ARID1B: variants seen among roughly 807,000 people sequenced by gnomAD.
The protein encoded by ARID1B is AT-rich interactive domain-containing protein 1B.
ARID1B carries 30 observed loss-of-function variants against 212.3 expected under a neutral mutation model. The ratio of observed to expected loss-of-function variants is 0.14; its 90% CI spans 0.11 to 0.19. ARID1B has a LOEUF of 0.19. Among genes scored for constraint, ARID1B ranks in the 10% least tolerant of loss-of-function variants. ARID1B has a pLI of 1.00. For synonymous variants in ARID1B, 1,402 were observed against 1,301.7 expected (o/e 1.08, Z -1.66); for missense variants, 2,891 against 3,204.0 (o/e 0.90, Z 2.36).
intron 4 of ARID1B, among the ~76,000 whole-genome samples, chr6:156,974,516 G>A (rs1388032705): frequency 1.3e-5 from 2 of 152,158 alleles, no homozygotes; most frequent in African/African-American, 2.4e-5. Flanking sequence ...ATTGTTCCTT[G>A]AAAACATAAC....
intron 3 of ARID1B, among the ~76,000 whole-genome samples, chr6:156,928,460 A>G (rs1324560951): frequency 6.6e-6 from 1 of 152,120 alleles, no homozygotes; most frequent in Non-Finnish European, 1.5e-5. Context: ...AGGGAGAAGG[A>G]ACAGGTCTGT....
chr6:156,923,704 CTTT>C (rs775655637), intron 3 of ARID1B, among the ~76,000 whole-genome samples: 11 of 140,110 alleles, frequency 7.9e-5, no homozygotes, highest in Middle Eastern at 3.6e-3. Flanking sequence ...AGTTGATTCT[CTTT>C]TTTTTTTTTT....
rs571076403 is a variant in ARID1B, at chr6:157,039,532, T to C, written c.2248-45130T>C. On this transcript the variant is annotated intron_variant, in intron 4 of 19. Transcript: ENST00000636930. ...TTTTTAGTAGAGACGGGGTTTCACC[T>C]TGTTACCCAGGATGGGACATTTCTT... Among the ~76,000 whole-genome samples, 12 of 152,032 alleles carry C rather than the reference T, an allele frequency of 7.9e-5. No homozygotes were observed. The South Asian group carries it at 2.3e-3, about 29-fold the overall frequency.
intron 4 of ARID1B, among the ~76,000 whole-genome samples, chr6:156,949,426 T>A (rs528073404): frequency 6.6e-6 from 1 of 152,332 alleles, no homozygotes; most frequent in South Asian, 2.1e-4. Context: ...CCTGCCACAT[T>A]CACAAGTGTC....
At chr6:157,125,840 T>C (rs1043688646) in intron 6 of ARID1B, among the ~76,000 whole-genome samples, 1 of 152,238 alleles carries the variant, frequency 6.6e-6, no homozygotes, top group African/African-American at 2.4e-5. Context: ...AAGGAGGTGA[T>C]ATTTAGTTGA....
At chr6:156,967,799 AT>A (rs1231846732) in intron 4 of ARID1B, among the ~76,000 whole-genome samples, 1 of 152,230 alleles carries the variant, frequency 6.6e-6, no homozygotes, top group African/African-American at 2.4e-5. Context: ...TAGATGCTGT[AT>A]GAACCTCCTT....
At position 157,062,204 on chromosome 6, in the gene ARID1B, GT is replaced by G. The variant is rs569892709; in HGVS notation, c.2248-22446del. Reference sequence around the variant, plus strand: ...TTTCTGTTTCTCCTTTTGTTTTGTTGTTTTTTTTTTTTAGAGACAGAGCCTC... The same window carrying G: ...TTTCTGTTTCTCCTTTTGTTTTGTTGTTTTTTTTTTTAGAGACAGAGCCTC... On this transcript the variant is annotated intron_variant, in intron 4 of 19. Coordinates refer to ENST00000636930, the MANE Select transcript of ARID1B (RefSeq NM_001374828.1). 1.0e-3 allele frequency among the ~76,000 whole-genome samples: 143 copies of G among 143,194 alleles called. 1 individual carries two copies. The Middle Eastern group carries it at 0.011, about 11-fold the overall frequency. 93.9% of individuals were successfully genotyped at this position (143,194 alleles called of 152,430 possible).
intron 2 of ARID1B, among the ~76,000 whole-genome samples, chr6:156,836,870 G>C (rs1783547589): frequency 6.6e-6 from 1 of 151,912 alleles, no homozygotes. Context: ...TTGCCATGTA[G>C]CCCAGGCTGG....
chr6:156,894,299 T>TGGGGGCCGGGGGGGTGGGGGG (rs1326684088), intron 2 of ARID1B, among the ~76,000 whole-genome samples: 1 of 7,508 alleles, frequency 1.3e-4, no homozygotes, highest in Non-Finnish European at 2.6e-4. Context: ...GGGGTTGGGA[T>TGGGGGCCGGGGGGGTGGGGGG]GGGGGCCGGG....
chr6:156,989,741 A>G (rs921628223), intron 4 of ARID1B, among the ~76,000 whole-genome samples: 3 of 152,202 alleles, frequency 2.0e-5, no homozygotes, highest in African/African-American at 7.2e-5. Flanking sequence ...CTGATTTATT[A>G]AGTGTACATC....
At chr6:157,008,002 T>C (rs1012550233) in intron 4 of ARID1B, among the ~76,000 whole-genome samples, 2 of 152,214 alleles carry the variant, frequency 1.3e-5, no homozygotes, top group Admixed American at 1.3e-4. Context: ...TTAAAAACTT[T>C]TTAAAGTTTA....
At chr6:156,866,730 A>G (rs1785721630) in intron 2 of ARID1B, among the ~76,000 whole-genome samples, 1 of 152,196 alleles carries the variant, frequency 6.6e-6, no homozygotes, top group Non-Finnish European at 1.5e-5. Flanking sequence ...TACCTTTGTA[A>G]TTTATGTTAA....
intron 1 of ARID1B, among the ~76,000 whole-genome samples, chr6:156,790,839 T>G (rs980885810): frequency 6.6e-6 from 1 of 152,238 alleles, no homozygotes; most frequent in Non-Finnish European, 1.5e-5. Flanking sequence ...CACTCTGATA[T>G]TGGTCGGAGA....
At chr6:156,800,896 T>TA (rs903817133) in intron 1 of ARID1B, among the ~76,000 whole-genome samples, 14 of 150,392 alleles carry the variant, frequency 9.3e-5, no homozygotes, top group South Asian at 2.1e-4. Flanking sequence ...CCGTGTCTCT[T>TA]AAAAAAAAAA....
intron 8 of ARID1B, among the ~76,000 whole-genome samples, chr6:157,154,580 G>GGTT (rs1790435597): frequency 9.0e-6 from 1 of 111,566 alleles, no homozygotes; most frequent in African/African-American, 3.6e-5. Context: ...TTTTTTTTTT[G>GGTT]TTTTTTTTTT....
At chr6:157,052,970 A>G (rs1400035709) in intron 4 of ARID1B, among the ~76,000 whole-genome samples, 1 of 152,178 alleles carries the variant, frequency 6.6e-6, no homozygotes, top group Non-Finnish European at 1.5e-5. Flanking sequence ...TGGCCATCTC[A>G]GCCTCCCAAA....
intron 1 of ARID1B, chr6:156,780,459 C>G (rs1056421964): frequency 6.6e-6 from 1 of 152,266 alleles, no homozygotes; most frequent in African/African-American, 2.4e-5. Context: ...CTGACTTGAT[C>G]TCCTTTGCAA....
intron 3 of ARID1B, among the ~76,000 whole-genome samples, chr6:156,909,959 C>T (rs901829480): frequency 3.9e-5 from 6 of 152,200 alleles, no homozygotes; most frequent in Non-Finnish European, 8.8e-5. Flanking sequence ...GATAAAGCTT[C>T]CCTTTGTACC....
chr6:156,787,011 T>C (rs1267935605), intron 1 of ARID1B, among the ~76,000 whole-genome samples: 1 of 150,544 alleles, frequency 6.6e-6, no homozygotes, highest in Non-Finnish European at 1.5e-5. Flanking sequence ...TCAACAACAA[T>C]TGTAGGTTGT....
Sources: gnomAD v4.1 joint callset for allele counts (sites outside exome capture counted in the v4.1 genomes callset) on GRCh38, gnomAD v4.1.1 for gene constraint, MANE v1.5 for transcripts, NCBI Gene and HGNC (gene_info 2026-07-23, HGNC 2026-07-21) for gene names.